The following FGF14 variants were observed in gnomAD, a reference collection of about 807,000 sequenced individuals.
FGF14 encodes fibroblast growth factor homologous factor 4.
In FGF14, 5 loss-of-function variants were observed where a neutral mutation model predicts 25.5. The observed-to-expected ratio is 0.20, with a 90% confidence interval of 0.10 to 0.41. The LOEUF (loss-of-function observed/expected upper bound fraction) is 0.41, where lower values mean the gene tolerates loss of function less well. FGF14 is among the 10% of genes least tolerant of loss of function. FGF14 has a pLI of 1.00. For synonymous variants in FGF14, 138 were observed against 118.3 expected, an observed-to-expected ratio of 1.17 and a Z score of -1.08; for missense variants, 222 against 320.1, an observed-to-expected ratio of 0.69 and a Z score of 2.34.
chr13:101,918,260 T>A (rs1013424398), upstream of FGF14, among the ~76,000 whole-genome samples: 1 of 152,090 alleles, frequency 6.6e-6, no homozygotes, highest in African/African-American at 2.4e-5. Context: ...TGAACACAGT[T>A]CCGTGGTTTC....
chr13:102,124,135 G>T (rs748739620), intron 1 of FGF14, among the ~76,000 whole-genome samples: 67 of 152,188 alleles, frequency 4.4e-4, no homozygotes, highest in Admixed American at 9.8e-4. Context: ...CTGAGAACAA[G>T]GTAGTGCTAT....
intron 2 of FGF14, among the ~76,000 whole-genome samples, chr13:101,871,512 T>C (rs933830930): frequency 1.3e-5 from 2 of 152,094 alleles, no homozygotes; most frequent in African/African-American, 4.8e-5. Flanking sequence ...ACACATCAAG[T>C]TACCAGGTTG....
intron 1 of FGF14, among the ~76,000 whole-genome samples, chr13:102,106,040 C>A (rs2044893981): frequency 6.6e-6 from 1 of 151,980 alleles, no homozygotes; most frequent in Non-Finnish European, 1.5e-5. Context: ...CATTTACATT[C>A]AAAAAGATCA....
At chr13:101,772,102 G>A (rs191035435) in intron 3 of FGF14, among the ~76,000 whole-genome samples, 2 of 152,100 alleles carry the variant, frequency 1.3e-5, no homozygotes, top group East Asian at 3.9e-4. Context: ...AGGCTTCCTA[G>A]ACCAGAGAAA....
At chr13:102,140,936 AG>A (rs796362207) in intron 1 of FGF14, among the ~76,000 whole-genome samples, 8 of 152,380 alleles carry the variant, frequency 5.3e-5, no homozygotes, top group African/African-American at 1.9e-4. Context: ...GACCAAAAAA[AG>A]AAAAGTGGGG....
chr13:102,067,839 T>C lies in FGF14; in HGVS notation c.209-192543A>G, dbSNP rs376097115. On this transcript the variant is annotated intron_variant, in intron 1 of 4. Transcript: ENST00000376131. Reference sequence around the variant, plus strand: ...GAATACCAAACAGATTTAACCCAAATAAGACTACCTTAACACATTTAATAA... The same window carrying C: ...GAATACCAAACAGATTTAACCCAAACAAGACTACCTTAACACATTTAATAA... Among the ~76,000 whole-genome samples, 9 of 152,074 alleles carry C rather than the reference T, an allele frequency of 5.9e-5. No individual in the cohort carries two copies. The East Asian group carries it at 1.4e-3, about 23-fold the overall frequency.
At chr13:101,887,369 T>G (rs975919972) in intron 1 of FGF14, among the ~76,000 whole-genome samples, 4 of 151,336 alleles carry the variant, frequency 2.6e-5, no homozygotes, top group African/African-American at 7.3e-5. Context: ...CATACACACA[T>G]GCACATATAT....
chr13:101,729,815 G>GCA, intron 3 of FGF14, among the ~76,000 whole-genome samples: 1 of 152,224 alleles, frequency 6.6e-6, no homozygotes, highest in East Asian at 1.9e-4. Context: ...ATTGGGTTCA[G>GCA]CATGAAATAT....
At chr13:102,179,845 G>T (rs2048596503) in intron 1 of FGF14, among the ~76,000 whole-genome samples, 2 of 152,042 alleles carry the variant, frequency 1.3e-5, no homozygotes, top group South Asian at 4.2e-4. Context: ...AGGATTACGT[G>T]GACCCTAGCT....
At chr13:102,162,483 C>G (rs2047819551) in intron 1 of FGF14, among the ~76,000 whole-genome samples, 1 of 152,104 alleles carries the variant, frequency 6.6e-6, no homozygotes, top group African/African-American at 2.4e-5. Context: ...AAGATAGAGA[C>G]TAATATCCAG....
chr13:101,788,785 T>C (rs539490681), intron 3 of FGF14, among the ~76,000 whole-genome samples: 16 of 150,380 alleles, frequency 1.1e-4, no homozygotes, highest in African/African-American at 3.9e-4. Flanking sequence ...TGTTAGGATT[T>C]TGGATATTTC....
In FGF14 at chr13:101,720,076, T is replaced by A. The variant is rs1302304153; in HGVS notation, c.*2755A>T. 6.6e-6 allele frequency: 1 copy of A among 152,140 alleles called. No individual in the cohort carries two copies. The highest frequency in any genetic ancestry group is 1.5e-5 in the Non-Finnish European group (1 of 68,012). The allele number at this position is 152,140 out of a possible 1,614,324, so 9.4% of individuals were successfully genotyped here. A position where few individuals can be genotyped will look rare whatever the true frequency, so the allele number is the denominator to read the frequency against. On this transcript the variant is annotated 3_prime_UTR_variant, in exon 5 of 5. Transcript: ENST00000376143. ...ATATGCCTTCATATAAATATTTTAT[T>A]CAATATGTTGTATTTGTGAATTTAA...
chr13:101,906,891 AG>A (rs2139036570), intron 1 of FGF14, among the ~76,000 whole-genome samples: 1 of 152,314 alleles, frequency 6.6e-6, no homozygotes, highest in African/African-American at 2.4e-5. Flanking sequence ...TGTAAAAATA[AG>A]GAACAAATCT....
chr13:102,350,402 C>T (rs1030882897), intron 1 of FGF14, among the ~76,000 whole-genome samples: 8 of 151,952 alleles, frequency 5.3e-5, no homozygotes, highest in African/African-American at 1.9e-4. Context: ...AATCATCTCC[C>T]CAACAGGCTT....
intron 1 of FGF14, among the ~76,000 whole-genome samples, chr13:102,073,298 A>G (rs1311549714): frequency 6.6e-6 from 1 of 152,140 alleles, no homozygotes; most frequent in African/African-American, 2.4e-5. Flanking sequence ...GTAATAAAAG[A>G]TGATGGGCAG....
chr13:102,377,021 CAG>C (rs748222294), intron 1 of FGF14, among the ~76,000 whole-genome samples: 5 of 152,002 alleles, frequency 3.3e-5, no homozygotes, highest in African/African-American at 4.8e-5. Flanking sequence ...ATTGACGGAG[CAG>C]AGAGTTTCCT....
intron 1 of FGF14, among the ~76,000 whole-genome samples, chr13:101,879,777 G>A (rs115280193): frequency 9.9e-4 from 150 of 151,988 alleles, no homozygotes; most frequent in Middle Eastern, 3.4e-3. Flanking sequence ...ATTTTTATAG[G>A]GTAAAAACAA....
At position 102,081,856 on chromosome 13, in the gene FGF14, G is replaced by A. The variant is rs868679658; in HGVS notation, c.209-206560C>T. ...AACATTAATTATAAAAATTGTAAAA[G>A]CAAAAGCGGAATGAGTTTCCAAGTG... On this transcript the variant is annotated intron_variant, in intron 1 of 4. Coordinates refer to the FGF14 transcript ENST00000376131. Among the ~76,000 whole-genome samples, 105 of 152,180 alleles carry A rather than the reference G, an allele frequency of 6.9e-4. 1 individual carries two copies. Among genetic ancestry groups the A allele is most frequent in the African/African-American group, 2.1e-3 (86 of 41,542 alleles).
At chr13:102,032,934 G>A (rs1392087469) in intron 1 of FGF14, among the ~76,000 whole-genome samples, 1 of 152,072 alleles carries the variant, frequency 6.6e-6, no homozygotes, top group African/African-American at 2.4e-5. Flanking sequence ...ACAATGACAA[G>A]GAGCTCACAG....
Sources: allele counts gnomAD v4.1 joint callset (sites outside exome capture counted in the v4.1 genomes callset), GRCh38; gene constraint gnomAD v4.1.1; transcripts MANE v1.5; gene names NCBI Gene and HGNC (gene_info 2026-07-23, HGNC 2026-07-21).